Variants in DOCK3 observed in about 807,000 individuals in gnomAD.
The protein encoded by DOCK3 is dedicator of cytokinesis protein 3.
In DOCK3, 60 loss-of-function variants were observed where a neutral mutation model predicts 265.6. The observed-to-expected ratio is 0.23, with a 90% CI of 0.18 to 0.28. The LOEUF (loss-of-function observed/expected upper bound fraction) is 0.28, where lower values mean the gene tolerates loss of function less well. DOCK3 is among the 10% of genes least tolerant of loss of function. DOCK3 has a pLI of 1.00. For synonymous variants in DOCK3, 881 were observed against 938.0 expected, an observed-to-expected ratio of 0.94 and a Z score of 1.11; for missense variants, 1,981 against 2,594.3, an observed-to-expected ratio of 0.76 and a Z score of 5.14.
chr3:51,186,601 C>T (rs571044175), intron 12 of DOCK3, among the ~76,000 whole-genome samples: 1 of 152,312 alleles, frequency 6.6e-6, no homozygotes, highest in African/African-American at 2.4e-5. Context: ...GCAGCCCCTC[C>T]CATCACAGGC....
chr3:51,299,959 G>C (rs894069944), intron 27 of DOCK3, among the ~76,000 whole-genome samples: 1 of 152,130 alleles, frequency 6.6e-6, no homozygotes, highest in African/African-American at 2.4e-5. Context: ...GAATGTCAAT[G>C]GTAGTTTAAT....
intron 5 of DOCK3, among the ~76,000 whole-genome samples, chr3:50,945,114 C>T (rs9820588): frequency 2.0e-5 from 3 of 152,090 alleles, no homozygotes; most frequent in Non-Finnish European, 4.4e-5. Flanking sequence ...TAAGGATAAA[C>T]TAAAAGGTAA....
chr3:50,994,535 G>A (rs907744095), intron 5 of DOCK3, among the ~76,000 whole-genome samples: 11 of 152,194 alleles, frequency 7.2e-5, no homozygotes, highest in African/African-American at 2.4e-4. Context: ...TAACTAAGAT[G>A]TAAAGCCTAA....
At chr3:51,248,617 C>G (rs1294921480) in intron 22 of DOCK3, among the ~76,000 whole-genome samples, 1 of 152,038 alleles carries the variant, frequency 6.6e-6, no homozygotes, top group African/African-American at 2.4e-5. Context: ...GCCGCCACCC[C>G]GTCTGGGCAG....
intron 5 of DOCK3, among the ~76,000 whole-genome samples, chr3:51,043,280 C>A (rs4336150): frequency 6.6e-6 from 1 of 151,960 alleles, no homozygotes. Flanking sequence ...GAAATAAGAC[C>A]GCACACCTAC....
intron 10 of DOCK3, among the ~76,000 whole-genome samples, chr3:51,146,930 A>G (rs2085325740): frequency 1.3e-5 from 2 of 152,324 alleles, no homozygotes; most frequent in Admixed American, 1.3e-4. Flanking sequence ...CCTGGACAAC[A>G]TGCCAAAACC....
intron 1 of DOCK3, among the ~76,000 whole-genome samples, chr3:50,683,721 T>C (rs866306373): frequency 6.6e-6 from 1 of 152,252 alleles, no homozygotes; most frequent in African/African-American, 2.4e-5. Flanking sequence ...ATTGAAAAGA[T>C]GTTAACTTCA....
At chr3:50,695,817 T>A (rs1425610834) in intron 1 of DOCK3, among the ~76,000 whole-genome samples, 1 of 152,180 alleles carries the variant, frequency 6.6e-6, no homozygotes, top group Non-Finnish European at 1.5e-5. Context: ...AAACTTCAGC[T>A]GAATTCAATT....
At chr3:51,274,973 GA>G in intron 24 of DOCK3, 105 bp from the exon 25 acceptor site, 2 of 1,443,806 alleles carry the variant, frequency 1.4e-6, no homozygotes, top group South Asian at 2.4e-5. Context: ...GCTCTAGTCT[GA>G]ACCCCACCTG....
intron 19 of DOCK3, among the ~76,000 whole-genome samples, chr3:51,235,276 AT>A (rs2078305993): frequency 6.6e-6 from 1 of 152,220 alleles, no homozygotes; most frequent in Admixed American, 6.5e-5. Context: ...TCATACTCAT[AT>A]TTTCCTTCTA....
intron 32 of DOCK3, among the ~76,000 whole-genome samples, chr3:51,327,640 G>A (rs1000331073): frequency 5.4e-5 from 8 of 148,220 alleles, no homozygotes; most frequent in African/African-American, 2.0e-4. Context: ...CTGTAGGGGT[G>A]ATTAAGTAAT....
chr3:51,172,996 A>G (rs1324800762), intron 12 of DOCK3, among the ~76,000 whole-genome samples: 4 of 152,254 alleles, frequency 2.6e-5, no homozygotes, highest in African/African-American at 4.8e-5. Flanking sequence ...TTAACAAATT[A>G]TTGTAGCAAT....
At chr3:51,366,633 T>C (rs1299289774) in intron 49 of DOCK3, among the ~76,000 whole-genome samples, 1 of 152,250 alleles carries the variant, frequency 6.6e-6, no homozygotes, top group Non-Finnish European at 1.5e-5. Flanking sequence ...TTTAGTGCTA[T>C]AAATTTCCTT....
chr3:50,775,094 A>G (rs1315198762), intron 1 of DOCK3, among the ~76,000 whole-genome samples: 1 of 151,932 alleles, frequency 6.6e-6, no homozygotes, highest in East Asian at 1.9e-4. Context: ...TATTAATGAG[A>G]AAGATTAGCC....
intron 3 of DOCK3, among the ~76,000 whole-genome samples, chr3:50,889,066 GGTGTGTGTGTGTGTGTGTGTGTGTGTGT>G (rs36180907): frequency 7.5e-6 from 1 of 134,192 alleles, no homozygotes; most frequent in Non-Finnish European, 1.6e-5. Flanking sequence ...TTAAGCCATG[GGTGTGTGTGTGTGTGTGTGTGTGTGTGT>G]GTGTGTGTGT....
At chr3:50,892,918 A>T (rs1010838133) in intron 4 of DOCK3, among the ~76,000 whole-genome samples, 1 of 152,066 alleles carries the variant, frequency 6.6e-6, no homozygotes, top group Admixed American at 6.6e-5. Flanking sequence ...GGAAGAATGA[A>T]GCATACATCC....
At chr3:50,953,763 G>T (rs1202092547) in intron 5 of DOCK3, among the ~76,000 whole-genome samples, 1 of 152,108 alleles carries the variant, frequency 6.6e-6, no homozygotes. Flanking sequence ...AGTGGGCAAA[G>T]AGAGTGAATT....
intron 8 of DOCK3, among the ~76,000 whole-genome samples, chr3:51,089,599 T>C (rs1462424266): frequency 6.6e-6 from 1 of 152,128 alleles, no homozygotes; most frequent in Non-Finnish European, 1.5e-5. Context: ...TGGCATTTCT[T>C]TAAAATGAGT....
At chr3:51,013,149 G>A (rs943811597) in intron 5 of DOCK3, among the ~76,000 whole-genome samples, 9 of 152,116 alleles carry the variant, frequency 5.9e-5, no homozygotes, top group African/African-American at 1.9e-4. Context: ...GCCTACTTCT[G>A]TCACCTTGTC....
Sources: allele counts gnomAD v4.1 joint callset (sites outside exome capture counted in the v4.1 genomes callset), GRCh38; gene constraint gnomAD v4.1.1; transcripts MANE v1.5; gene names NCBI Gene and HGNC (gene_info 2026-07-23, HGNC 2026-07-21).